The following ARID4B variants were observed in gnomAD, a reference collection of about 807,000 sequenced individuals.
ARID4B encodes AT-rich interactive domain-containing protein 4B.
In ARID4B, 26 loss-of-function variants were observed where a neutral mutation model predicts 147.5. That is an observed-to-expected ratio of 0.18 (90% CI 0.13 to 0.24). The LOEUF (loss-of-function observed/expected upper bound fraction) is 0.24. ARID4B is among the 10% of genes least tolerant of loss of function. The pLI is 1.00. For missense variants in ARID4B, 1,179 were observed against 1,511.5 expected (o/e 0.78, Z 3.65); for synonymous variants, 512 against 507.9 (o/e 1.01, Z -0.11).
At chr1:235,223,381 ATACACGTATATATATGTGTGTG>A (rs1667608647) in intron 12 of ARID4B, 121 bp from the exon 13 acceptor site, 14 of 224,040 alleles carry the variant, frequency 6.2e-5, no homozygotes, top group South Asian at 3.0e-4. Flanking sequence ...ATATATATAT[ATACACGTATATATATGTGTGTG>A]TATATATACA....
chr1:235,259,078 C>T (rs752459460), intron 3 of ARID4B, among the ~76,000 whole-genome samples: 9 of 152,136 alleles, frequency 5.9e-5, no homozygotes, highest in Admixed American at 1.3e-4. Context: ...ATCACCTCCA[C>T]AGAAACAAAT....
chr1:235,313,186 T>G (rs529799314), intron 2 of ARID4B, among the ~76,000 whole-genome samples: 2 of 152,200 alleles, frequency 1.3e-5, no homozygotes, highest in African/African-American at 4.8e-5. Flanking sequence ...CATACCACCA[T>G]GCCTGGCTAA....
intron 2 of ARID4B, among the ~76,000 whole-genome samples, chr1:235,325,046 C>T (rs1675123137): frequency 6.6e-6 from 1 of 152,190 alleles, no homozygotes; most frequent in Admixed American, 6.5e-5. Context: ...CAAGAAGCTT[C>T]TCATCTTTTA....
intron 21 of ARID4B, among the ~76,000 whole-genome samples, chr1:235,176,437 CAAAA>C (rs34808765): frequency 4.6e-3 from 103 of 22,466 alleles, no homozygotes; most frequent in African/African-American, 9.7e-3. Context: ...ACAACATCAC[CAAAA>C]AAAAAAAAAA....
chr1:235,226,591 G>C (rs1046117298), intron 11 of ARID4B, among the ~76,000 whole-genome samples: 1 of 151,748 alleles, frequency 6.6e-6, no homozygotes, highest in Non-Finnish European at 1.5e-5. Flanking sequence ...GCGTGATCTC[G>C]GCTCACTGCA....
At chr1:235,212,284 G>A (rs763343371) in intron 17 of ARID4B, among the ~76,000 whole-genome samples, 58 of 152,146 alleles carry the variant, frequency 3.8e-4, no homozygotes, top group Admixed American at 1.3e-4. Flanking sequence ...CAGAAAAAAA[G>A]AACCAACAGG....
intron 8 of ARID4B, among the ~76,000 whole-genome samples, chr1:235,235,540 A>G (rs1668496775): frequency 6.6e-6 from 1 of 152,240 alleles, no homozygotes; most frequent in African/African-American, 2.4e-5. Context: ...CCACAGAACG[A>G]CAATATGCAT....
chr1:235,269,894 A>G (rs1364987999), intron 2 of ARID4B, among the ~76,000 whole-genome samples: 1 of 152,110 alleles, frequency 6.6e-6, no homozygotes, highest in Admixed American at 6.5e-5. Context: ...TTATCTATTT[A>G]TATTATTTAC....
intron 3 of ARID4B, among the ~76,000 whole-genome samples, chr1:235,259,048 G>A (rs1670147845): frequency 6.6e-6 from 1 of 152,052 alleles, no homozygotes; most frequent in South Asian, 2.1e-4. Context: ...CTTTTTCCTT[G>A]TGTATGTGTT....
chr1:235,309,625 G>A, intron 2 of ARID4B, among the ~76,000 whole-genome samples: 1 of 151,570 alleles, frequency 6.6e-6, no homozygotes, highest in Non-Finnish European at 1.5e-5. Context: ...CACCCCTACT[G>A]GGAAGTGAGG....
chr1:235,250,186 A>T (rs1669558771), intron 6 of ARID4B, among the ~76,000 whole-genome samples: 1 of 152,112 alleles, frequency 6.6e-6, no homozygotes. Context: ...TTCCATGAAA[A>T]TCCTGAATTT....
At chr1:235,304,154 T>C (rs138150881) in intron 2 of ARID4B, among the ~76,000 whole-genome samples, 108 of 152,212 alleles carry the variant, frequency 7.1e-4, no homozygotes, top group African/African-American at 2.5e-3. Flanking sequence ...TCCAGGAGTT[T>C]GAGACCAGCG....
intron 23 of ARID4B, among the ~76,000 whole-genome samples, chr1:235,170,910 C>CAAAAAAAAAAAAAA (rs1164420998): frequency 1.6e-5 from 1 of 61,448 alleles, no homozygotes; most frequent in Non-Finnish European, 3.4e-5. Flanking sequence ...GACTCCGTCT[C>CAAAAAAAAAAAAAA]AAAAAAAAAA....
chr1:235,293,861 C>G (rs1007041020), intron 2 of ARID4B, among the ~76,000 whole-genome samples: 1 of 152,156 alleles, frequency 6.6e-6, no homozygotes, highest in Admixed American at 6.5e-5. Context: ...TTCTCCTCCA[C>G]CAGAAAAATG....
At chr1:235,323,948 G>C (rs1337302639) in intron 2 of ARID4B, among the ~76,000 whole-genome samples, 1 of 147,590 alleles carries the variant, frequency 6.8e-6, no homozygotes, top group Admixed American at 6.8e-5. Flanking sequence ...TTTTTTCGCC[G>C]AGGCTGGAGT....
At chr1:235,271,562 G>A (rs1313984042) in intron 2 of ARID4B, among the ~76,000 whole-genome samples, 6 of 151,170 alleles carry the variant, frequency 4.0e-5, no homozygotes, top group South Asian at 4.2e-4. Context: ...CTCGGGAGGC[G>A]GAGATTGCAG....
At chr1:235,232,668 T>A (rs61836148) in intron 9 of ARID4B, among the ~76,000 whole-genome samples, 3,301 of 152,164 alleles carry the variant, frequency 0.022, 55 homozygotes, top group Middle Eastern at 0.054. Context: ...GTACATCAGA[T>A]CCTGTACATT....
In ARID4B at chr1:235,192,010, C is replaced by T. The variant is rs72756056; in HGVS notation, c.2125+2003G>A. On this transcript the variant is annotated intron_variant, in intron 19 of 23. Coordinates refer to ENST00000264183, the MANE Select transcript of ARID4B (RefSeq NM_016374.6). ...GAAAGGTCGCTTGAGCCCAGGAGGT[C>T]ACTTGAGTCGTGATAGCACCACTGC... Among the ~76,000 whole-genome samples, 924 of 152,110 alleles carry T rather than the reference C, an allele frequency of 6.1e-3. 3 individuals are homozygous for T. The highest frequency in any genetic ancestry group is 0.01 in the Middle Eastern group (3 of 294).
intron 2 of ARID4B, among the ~76,000 whole-genome samples, chr1:235,288,049 G>A (rs1472062090): frequency 3.9e-5 from 6 of 152,224 alleles, no homozygotes; most frequent in Non-Finnish European, 7.3e-5. Context: ...GCTCATGCCT[G>A]TAATCCCAGC....
Sources: gnomAD v4.1 joint callset for allele counts (sites outside exome capture counted in the v4.1 genomes callset) on GRCh38, gnomAD v4.1.1 for gene constraint, MANE v1.5 for transcripts, NCBI Gene and HGNC (gene_info 2026-07-23, HGNC 2026-07-21) for gene names.